CBFA2T3: variants seen among roughly 807,000 people sequenced by gnomAD.
The protein encoded by CBFA2T3 is transcriptional corepressor CBFA2T3.
Under a neutral mutation model 58.6 loss-of-function variants are expected in CBFA2T3, and 31 were observed. That is an observed-to-expected ratio of 0.53 (90% confidence interval 0.40 to 0.71). The LOEUF is 0.71. CBFA2T3 is among the 30% of genes least tolerant of loss of function. The pLI is 0.00. For synonymous variants in CBFA2T3, 531 were observed against 421.9 expected (o/e 1.26, Z -3.17); for missense variants, 1,076 against 963.1 (o/e 1.12, Z -1.55).
chr16:88,886,856 G>A (rs1969398279), intron 5 of CBFA2T3: 1 of 152,316 alleles, frequency 6.6e-6, no homozygotes, highest in Non-Finnish European at 1.5e-5. Flanking sequence ...CGCAGCATGC[G>A]GCCGAAGGAC....
At chr16:88,898,223 C>G (rs1216188075) in intron 2 of CBFA2T3, 71 bp from the exon 3 acceptor site, 1 of 1,182,942 alleles carries the variant, frequency 8.5e-7, no homozygotes, top group Non-Finnish European at 1.3e-6. Flanking sequence ...CAGGGGCGCC[C>G]GCGGCCACCT....
intron 7 of CBFA2T3, chr16:88,884,593 G>C (rs532112840): frequency 6.3e-6 from 1 of 159,102 alleles, no homozygotes; most frequent in South Asian, 2.0e-4. Context: ...GCCTCACGCA[G>C]AGACTCTGTG....
rs141390218 is a variant in CBFA2T3 at position 88,885,257 on chromosome 16, G to A, written c.906C>T (p.Asn302=). 1.3e-4 allele frequency: 206 copies of A among 1,551,074 alleles called. No individual in the cohort carries two copies. The African/African-American group carries it at 2.3e-3, about 17-fold the overall frequency. ...GGTGCAGCGGGTCGCGGTCTGACCCGTTCTCTTTGGTCCTAGCCCCAAGAG... is the reference window on the plus strand; with the variant it reads ...GGTGCAGCGGGTCGCGGTCTGACCCATTCTCTTTGGTCCTAGCCCCAAGAG... ...KRRTPDRTKE[N]GSDRDPLHPE... Residue 302 remains asparagine, a synonymous_variant, in exon 7 of 12, where the codon AAC becomes AAT. Coordinates refer to ENST00000268679, the MANE Select transcript of CBFA2T3 (RefSeq NM_005187.6). The surrounding 1 kb of genome is among the most constrained non-coding windows in gnomAD (Gnocchi z 5.3).
chr16:88,927,176 G>A (rs1055248625), intron 1 of CBFA2T3, among the ~76,000 whole-genome samples: 3 of 152,232 alleles, frequency 2.0e-5, no homozygotes, highest in Admixed American at 2.0e-4. Context: ...ATTTGTCGAG[G>A]GAATGAACGG....
chr16:88,971,667 TC>T (rs1972659296), intron 1 of CBFA2T3, among the ~76,000 whole-genome samples: 2 of 152,222 alleles, frequency 1.3e-5, no homozygotes, highest in Non-Finnish European at 2.9e-5. Context: ...AGTGACCCAG[TC>T]CACAGCTCCC....
At chr16:88,881,827 G>A (rs553649156) in intron 8 of CBFA2T3, among the ~76,000 whole-genome samples, 2 of 152,252 alleles carry the variant, frequency 1.3e-5, no homozygotes, top group Non-Finnish European at 2.9e-5. Flanking sequence ...GAGGGCGAGG[G>A]GCGAGGCTGA....
rs745883820 is a variant in CBFA2T3, at chr16:88,892,357, C to T, written c.508G>A (p.Gly170Arg). ...LSTQHLPPAC[G>R]ARQLSKLKRF... The stretch of plus-strand genomic sequence containing the variant: ...TTGAGCTTGCTGAGCTGCCGGGCCC[C>T]GCAGGCTGGGGGCAGGTGCTGTGTG... Residue 170 changes from glycine (G) to arginine (R), a missense_variant, in exon 4 of 12, where the codon GGG becomes AGG. Gly to Arg is a moderately radical substitution (Grantham distance 125). Coordinates refer to ENST00000268679, the MANE Select transcript of CBFA2T3 (RefSeq NM_005187.6). 2.9e-5 allele frequency: 46 copies of T among 1,613,214 alleles called. No homozygotes were observed. The highest frequency in any genetic ancestry group is 5.5e-5 in the South Asian group (5 of 91,076).
chr16:88,877,307 G>A, intron 11 of CBFA2T3, 32 bp from the exon 12 acceptor site: 1 of 1,512,194 alleles, frequency 6.6e-7, no homozygotes. Context: ...AGTCAGGGCT[G>A]GGTCTGGCCA....
chr16:88,904,780 CTG>C (rs973314814), intron 1 of CBFA2T3, among the ~76,000 whole-genome samples: 1 of 152,162 alleles, frequency 6.6e-6, no homozygotes, highest in African/African-American at 2.4e-5. Flanking sequence ...CTGTTGAATC[CTG>C]TGTGAGTGCT....
chr16:88,932,666 G>A (rs772252983), intron 1 of CBFA2T3, among the ~76,000 whole-genome samples: 2 of 150,350 alleles, frequency 1.3e-5, no homozygotes, highest in Non-Finnish European at 3.0e-5. Context: ...GGAAAAAAGA[G>A]GCAGGGCGCG....
At chr16:88,891,109 C>T (rs1969612186) in intron 5 of CBFA2T3, among the ~76,000 whole-genome samples, 1 of 152,142 alleles carries the variant, frequency 6.6e-6, no homozygotes, top group Non-Finnish European at 1.5e-5. Flanking sequence ...TCACCTGACA[C>T]CTCTTCATCC....
chr16:88,927,948 C>G (rs1270775630), intron 1 of CBFA2T3, among the ~76,000 whole-genome samples: 1 of 152,208 alleles, frequency 6.6e-6, no homozygotes, highest in Non-Finnish European at 1.5e-5. Context: ...CAGTGTGGGG[C>G]GTCCTCTGAA....
chr16:88,894,537 G>A (rs1299020030), intron 3 of CBFA2T3, among the ~76,000 whole-genome samples: 2 of 123,008 alleles, frequency 1.6e-5, no homozygotes, highest in Admixed American at 8.1e-5. Flanking sequence ...ATATACACAT[G>A]CACACAATGT....
Position 88,897,432 on chromosome 16 carries a change from T to G in CBFA2T3, c.379+646A>C, listed in dbSNP as rs542395487. ...GCTCAAGCATGGCTGCACTCAGTGG[T>G]TGACAAAAACTATAACCACCACCTG... On this transcript the variant is annotated intron_variant, in intron 3 of 11. Coordinates refer to ENST00000268679, the MANE Select transcript of CBFA2T3 (RefSeq NM_005187.6). Among the ~76,000 whole-genome samples, 40 of 152,282 alleles carry G rather than the reference T, an allele frequency of 2.6e-4. No individual in the cohort carries two copies. In the South Asian group the frequency reaches 8.3e-3, roughly 32 times the overall value.
In CBFA2T3 at chr16:88,886,437, C is replaced by A. The variant is rs138678362; in HGVS notation, c.712-295G>T. On this transcript the variant is annotated intron_variant, in intron 5 of 11. Coordinates refer to ENST00000268679, the MANE Select transcript of CBFA2T3 (RefSeq NM_005187.6). ...GACTCCCAGGGTGGGGCTTTCCCAC[C>A]GCACCCAGCTCCCTCCCATGGCGTG... 7.1e-3 allele frequency: 2,239 copies of A among 316,438 alleles called. 13 individuals are homozygous for A. Among genetic ancestry groups the A allele is most frequent in the Middle Eastern group, 0.011 (13 of 1,204 alleles). 19.6% of individuals were successfully genotyped at this position (316,438 alleles called of 1,614,324 possible).
intron 1 of CBFA2T3, among the ~76,000 whole-genome samples, chr16:88,923,063 C>A (rs1970973098): frequency 6.6e-6 from 1 of 152,214 alleles, no homozygotes; most frequent in Non-Finnish European, 1.5e-5. Flanking sequence ...GCTGCCTGCT[C>A]CCACCAGGTC....
chr16:88,951,266 C>G (rs1393598645), intron 1 of CBFA2T3: 1 of 456,102 alleles, frequency 2.2e-6, no homozygotes, highest in Non-Finnish European at 4.4e-6. Flanking sequence ...TCTTCCGGGT[C>G]TGTTCACCCG....
chr16:88,897,110 C>T (rs1001045078), intron 3 of CBFA2T3, among the ~76,000 whole-genome samples: 2 of 152,248 alleles, frequency 1.3e-5, no homozygotes, highest in Non-Finnish European at 2.9e-5. Context: ...CGCAGCCCCT[C>T]CTGTCACCCC....
In CBFA2T3 at chr16:88,876,999, G is replaced by T. The variant is rs1410046783; in HGVS notation, c.1939C>A (p.Pro647Thr). ...SRPGSPSPPG[P>T]LDTVPR ...GGTCAGCGGGGCACGGTGTCCAGTG[G>T]GCCAGGTGGGCTGGGGGAGCCGGGG... is the stretch of plus-strand genomic sequence containing the variant. The change falls in exon 12 of 12, where the codon CCA becomes ACA. Residue 647 changes from proline (P) to threonine (T), a missense_variant. By Grantham distance (38) the Pro-to-Thr change is conservative (BLOSUM62 -1). Transcript: ENST00000268679. 1 of 1,466,066 alleles carries T rather than the reference G, an allele frequency of 6.8e-7. No homozygotes were observed. Among genetic ancestry groups the T allele is most frequent in the East Asian group, 2.5e-5 (1 of 39,420 alleles). 90.8% of individuals were successfully genotyped at this position (1,466,066 alleles called of 1,614,324 possible). A position where few individuals can be genotyped will look rare whatever the true frequency, so the allele number is the denominator to read the frequency against.
Sources: gnomAD v4.1 joint callset for allele counts (sites outside exome capture counted in the v4.1 genomes callset) on GRCh38, gnomAD v4.1.1 for gene constraint, Gnocchi (gnomAD v3.1) non-coding constraint, MANE v1.5 for transcripts, NCBI Gene and HGNC (gene_info 2026-07-23, HGNC 2026-07-21) for gene names.